TNKS: variants seen among roughly 807,000 people sequenced by gnomAD.
The protein encoded by TNKS is tankyrase.
A neutral mutation model predicts 135.8 loss-of-function variants in TNKS; 72 were observed. That is an observed-to-expected ratio of 0.53 (90% CI 0.44 to 0.64). The LOEUF (loss-of-function observed/expected upper bound fraction) is 0.64, where lower values mean the gene tolerates loss of function less well. Ranked by LOEUF, TNKS falls within the 30% of genes least tolerant of loss-of-function variation. The pLI is 0.00. For synonymous variants in TNKS, 849 were observed against 649.3 expected (o/e 1.31, Z -4.68); for missense variants, 1,769 against 1,674.0 (o/e 1.06, Z -0.99).
At chr8:9,625,719 C>G (rs1163013062) in intron 3 of TNKS, among the ~76,000 whole-genome samples, 3 of 152,034 alleles carry the variant, frequency 2.0e-5, no homozygotes, top group African/African-American at 7.2e-5. Context: ...ATGTTACTTT[C>G]TAGTTTGATT....
chr8:9,752,643 A>G lies in TNKS; in HGVS notation c.3153+17A>G, dbSNP rs780765438. ...ACAGAACAGGTAAATACTCTTGTAT[A>G]TATTTGAGTCATTTAAATTAAATAC... On this transcript the variant is annotated intron_variant, in intron 20 of 26. Transcript: ENST00000310430. 7.8e-6 allele frequency: 12 copies of G among 1,531,258 alleles called. No homozygotes were observed. In the South Asian group the frequency reaches 1.4e-4, roughly 17 times the overall value. 94.9% of individuals were successfully genotyped at this position (1,531,258 alleles called of 1,614,324 possible).
rs755453801 is a variant in TNKS, at chr8:9,556,524, G to T, written c.585G>T (p.Val195=). The T allele has an allele frequency of 4.3e-5, 69 of 1,614,192 alleles. No homozygotes were observed. The Middle Eastern group carries it at 4.9e-4, about 12-fold the overall frequency. The change falls in exon 1 of 27, where the codon GTG becomes GTT. Residue 195 remains valine (V), a synonymous_variant. Transcript: ENST00000310430. ...TGGAGGCCTGTCGCAATGGGGACGT[G>T]TCCCGGGTAAAGAGGCTGGTGGACG... ...ELLEACRNGD[V]SRVKRLVDAA...
intron 2 of TNKS, chr8:9,615,275 G>A (rs1349327776): frequency 1.4e-5 from 3 of 208,446 alleles, no homozygotes; most frequent in East Asian, 1.2e-4. Context: ...GTGAGCCAGC[G>A]AGCACATAGC....
At chr8:9,714,663 A>G (rs1189429122) in intron 11 of TNKS, among the ~76,000 whole-genome samples, 1 of 152,202 alleles carries the variant, frequency 6.6e-6, no homozygotes, top group African/African-American at 2.4e-5. Flanking sequence ...AGCATTAGTA[A>G]TGAAGAAGGA....
At chr8:9,603,059 CT>C (rs112118201) in intron 2 of TNKS, among the ~76,000 whole-genome samples, 45 of 147,904 alleles carry the variant, frequency 3.0e-4, no homozygotes, top group Admixed American at 4.0e-4. Context: ...TTAACTATGA[CT>C]TTTTTTTTTT....
At chr8:9,774,252 G>A (rs971220981) in intron 26 of TNKS, among the ~76,000 whole-genome samples, 18 of 152,168 alleles carry the variant, frequency 1.2e-4, no homozygotes, top group African/African-American at 4.3e-4. Context: ...GAACTGATGT[G>A]AACAATGCAG....
rs1243858749 is a variant in TNKS, at chr8:9,703,149, C to T, written c.1108-1514C>T. ...GCCTGAAGCCTCGGATAGTACCAAA[C>T]CCTATATATGGTTTTTTGATCTCAT... On this transcript the variant is annotated intron_variant, in intron 5 of 26. Transcript: ENST00000310430. Among the ~76,000 whole-genome samples, 5 of 152,150 alleles carry T rather than the reference C, an allele frequency of 3.3e-5. 1 individual carries two copies. Among genetic ancestry groups the T allele is most frequent in the Admixed American group, 2.6e-4 (4 of 15,278 alleles).
At chr8:9,698,373 T>TAAAAAAAAAAAAAAAAAAAAAAAAAAAA (rs1585342719) in intron 5 of TNKS, among the ~76,000 whole-genome samples, 1 of 12,282 alleles carries the variant, frequency 8.1e-5, no homozygotes, top group Non-Finnish European at 1.8e-4. Flanking sequence ...AATTTTAAAA[T>TAAAAAAAAAAAAAAAAAAAAAAAAAAAA]GAAAAAAAAA....
chr8:9,557,612 A>T (rs1815380367), intron 1 of TNKS: 1 of 152,156 alleles, frequency 6.6e-6, no homozygotes, highest in Non-Finnish European at 1.5e-5. Context: ...TACAATTCAA[A>T]TAGGACAGAA....
At chr8:9,643,582 A>G (rs1239752182) in intron 3 of TNKS, among the ~76,000 whole-genome samples, 3 of 152,150 alleles carry the variant, frequency 2.0e-5, no homozygotes, top group Non-Finnish European at 4.4e-5. Context: ...CATAGCAGCT[A>G]CTATTAAAAA....
rs1563234005 is a variant in TNKS at position 9,781,707 on chromosome 8, A to G, written c.*4971A>G. On this transcript the variant is annotated 3_prime_UTR_variant, in exon 27 of 27. Transcript: ENST00000310430. ...ACAAAACCAGCTTTGAGAAAATGTT[A>G]TGTTGCCTGGCAACAGCACTCGGAG... 6.6e-6 allele frequency: 1 copy of G among 152,652 alleles called. No homozygotes were observed. Among genetic ancestry groups the G allele is most frequent in the Non-Finnish European group, 1.5e-5 (1 of 68,034 alleles). The allele number at this position is 152,652 out of a possible 1,614,324, so 9.5% of individuals were successfully genotyped here.
At chr8:9,563,661 G>T (rs895555928) in intron 1 of TNKS, among the ~76,000 whole-genome samples, 2 of 151,962 alleles carry the variant, frequency 1.3e-5, no homozygotes, top group African/African-American at 4.8e-5. Context: ...ATTATTTTCT[G>T]AACTCTCTCC....
At chr8:9,592,727 A>G (rs1695265973) in intron 2 of TNKS, among the ~76,000 whole-genome samples, 2 of 152,218 alleles carry the variant, frequency 1.3e-5, no homozygotes, top group Non-Finnish European at 2.9e-5. Flanking sequence ...GTTCACTGGA[A>G]GAAGGCTTGA....
In TNKS at chr8:9,556,213, A is replaced by G. The variant is rs373323688; in HGVS notation, c.274A>G (p.Thr92Ala). ...GGTTGACGGTACCAGCTGTTGCAGT[A>G]CCACCAGCACAATCTGTACCGTCGC... Reference protein sequence around the residue: ...DPVDGTSCCSTTSTICTVAAA... With the variant: ...DPVDGTSCCSATSTICTVAAA... The change falls in exon 1 of 27, where the codon ACC becomes GCC. Residue 92 changes from threonine to alanine, a missense_variant. This residue lies in a region of TNKS where 450 missense variants were observed against 304.9 expected (regional missense o/e 1.48). Coordinates refer to ENST00000310430, the MANE Select transcript of TNKS (RefSeq NM_003747.3). The G allele has an allele frequency of 1.2e-5, 20 of 1,613,994 alleles. No individual in the cohort carries two copies. The highest frequency in any genetic ancestry group is 4.0e-5 in the African/African-American group (3 of 74,932).
At chr8:9,710,674 A>C (rs867691082) in intron 11 of TNKS, among the ~76,000 whole-genome samples, 5 of 152,156 alleles carry the variant, frequency 3.3e-5, no homozygotes, top group African/African-American at 1.2e-4. Context: ...AGGCAGGTGG[A>C]TCACGAGGTC....
intron 3 of TNKS, among the ~76,000 whole-genome samples, chr8:9,659,991 A>C (rs1801617442): frequency 6.6e-6 from 1 of 152,248 alleles, no homozygotes; most frequent in African/African-American, 2.4e-5. Flanking sequence ...ATCTAGAAGA[A>C]ATGGATAAAT....
rs933618756 is a variant in TNKS at position 9,561,691 on chromosome 8, T to G, written c.673+5079T>G. 1.2e-4 allele frequency among the ~76,000 whole-genome samples: 18 copies of G among 152,244 alleles called. 1 individual carries two copies. In the South Asian group the frequency reaches 2.9e-3, roughly 25 times the overall value. ...ATAAAATCCTTTTTGTGGACACGGA[T>G]TTTCTTTCTCTTGGGCAAATACCTA... On this transcript the variant is annotated intron_variant, in intron 1 of 26. Coordinates refer to ENST00000310430, the MANE Select transcript of TNKS (RefSeq NM_003747.3).
chr8:9,691,720 G>A (rs76582942), intron 5 of TNKS, among the ~76,000 whole-genome samples: 39 of 152,252 alleles, frequency 2.6e-4, no homozygotes, highest in African/African-American at 9.4e-4. Context: ...AAAGTGCTTA[G>A]TACATAGAAA....
chr8:9,639,162 T>C (rs1800630144), intron 3 of TNKS, among the ~76,000 whole-genome samples: 1 of 152,214 alleles, frequency 6.6e-6, no homozygotes, highest in Non-Finnish European at 1.5e-5. Flanking sequence ...CTGAATATTT[T>C]CTATGTTATT....
Sources: allele counts gnomAD v4.1 joint callset (sites outside exome capture counted in the v4.1 genomes callset), GRCh38; gene constraint gnomAD v4.1.1; regional missense constraint gnomAD v4.1.1; transcripts MANE v1.5; gene names NCBI Gene and HGNC (gene_info 2026-07-23, HGNC 2026-07-21).